Variants in TASOR observed in about 807,000 individuals in gnomAD.
The protein encoded by TASOR is protein TASOR.
TASOR carries 53 observed loss-of-function variants against 178.6 expected under a neutral mutation model. The ratio of observed to expected loss-of-function variants is 0.30; its 90% confidence interval spans 0.24 to 0.37. The LOEUF (loss-of-function observed/expected upper bound fraction) is 0.37. Ranked by LOEUF, TASOR falls within the 10% of genes least tolerant of loss-of-function variation. The pLI, the probability that TASOR is intolerant of heterozygous loss-of-function variation, is 1.00. For missense variants in TASOR, 1,815 were observed against 1,971.4 expected, an observed-to-expected ratio of 0.92 and a Z score of 1.50; for synonymous variants, 713 against 696.2, an observed-to-expected ratio of 1.02 and a Z score of -0.38.
At chr3:56,677,345 G>C (rs749419292) in intron 1 of TASOR, among the ~76,000 whole-genome samples, 1 of 152,204 alleles carries the variant, frequency 6.6e-6, no homozygotes, top group Non-Finnish European at 1.5e-5. Flanking sequence ...TCAATACACT[G>C]TTCTCTAGAT....
At chr3:56,660,467 G>A (rs1332245277) in intron 11 of TASOR, among the ~76,000 whole-genome samples, 1 of 145,052 alleles carries the variant, frequency 6.9e-6, no homozygotes, top group Non-Finnish European at 1.5e-5. Flanking sequence ...CTCCATCCTG[G>A]TGAGACAGCA....
In TASOR at chr3:56,683,047, G is replaced by T; in HGVS notation, c.-41C>A. On this transcript the variant is annotated 5_prime_UTR_variant, in exon 1 of 24. Transcript: ENST00000683822. ...AGCTCTGGGAAGCTTCTGCCCACAAGGTCGACGGGTGTGGGGGGAAGGGGC... is the reference window on the plus strand; with the variant it reads ...AGCTCTGGGAAGCTTCTGCCCACAATGTCGACGGGTGTGGGGGGAAGGGGC... The T allele has an allele frequency of 6.8e-7, 1 of 1,472,272 alleles. No individual in the cohort carries two copies. 91.2% of individuals were successfully genotyped at this position (1,472,272 alleles called of 1,614,324 possible). A position where few individuals can be genotyped will look rare whatever the true frequency, so the allele number is the denominator to read the frequency against.
rs575022081 is a variant in TASOR at position 56,656,235 on chromosome 3, T to C, written c.1368+4496A>G. ...CACATTGATCTGCATTAAATCAATATGTAAGTATCAATTACATTTCTATAT... is the reference window on the plus strand; with the variant it reads ...CACATTGATCTGCATTAAATCAATACGTAAGTATCAATTACATTTCTATAT... On this transcript the variant is annotated intron_variant, in intron 11 of 23. Coordinates refer to ENST00000683822, the MANE Select transcript of TASOR (RefSeq NM_001365635.2). 8.5e-5 allele frequency among the ~76,000 whole-genome samples: 13 copies of C among 152,346 alleles called. No homozygotes were observed. The South Asian group carries it at 2.7e-3, about 32-fold the overall frequency.
intron 1 of TASOR, among the ~76,000 whole-genome samples, chr3:56,678,663 T>C (rs755436514): frequency 2.0e-4 from 31 of 152,292 alleles, no homozygotes; most frequent in Admixed American, 3.3e-4. Context: ...AATATTATCA[T>C]ATATACATAA....
rs1057424228 is a variant in TASOR, at chr3:56,627,055, T to A, written c.4121A>T (p.Lys1374Ile). 1.9e-6 allele frequency: 3 copies of A among 1,609,134 alleles called. No individual in the cohort carries two copies. The African/African-American group carries it at 4.0e-5, about 22-fold the overall frequency. The change falls in exon 21 of 24, where the codon AAA (lysine) becomes ATA (isoleucine). Residue 1374 changes from lysine (K) to isoleucine (I), a missense_variant. Lys to Ile is a moderately radical substitution (Grantham distance 102). This residue lies in a region of TASOR where 134 missense variants were observed against 195.2 expected (regional missense o/e 0.69). Transcript: ENST00000683822. ...AGCTTACCTGCCTAGTTCCTTTAGTTTCTTCTGAAATTTACAGTGGACTTT... is the reference window on the plus strand; with the variant it reads ...AGCTTACCTGCCTAGTTCCTTTAGTATCTTCTGAAATTTACAGTGGACTTT... ...QWKVHCKFQK[K>I]LKELGRLNAK...
Position 56,663,578 on chromosome 3 carries a change from A to C in TASOR, c.1023-6T>G. The stretch of plus-strand genomic sequence containing the variant: ...CTGTATTAAAGCTGTTAGATCTACA[A>C]ATTTTTTAAAAGAAAAGAAAAACAT... On this transcript the variant is annotated splice_region_variant and splice_polypyrimidine_tract_variant and intron_variant, in intron 7 of 23. Coordinates refer to ENST00000683822, the MANE Select transcript of TASOR (RefSeq NM_001365635.2). 2.4e-6 allele frequency: 3 copies of C among 1,269,826 alleles called. No homozygotes were observed. The highest frequency in any genetic ancestry group is 3.1e-6 in the Non-Finnish European group (3 of 965,274). 78.7% of individuals were successfully genotyped at this position (1,269,826 alleles called of 1,614,324 possible).
At chr3:56,635,332 T>C (rs1278315227) in intron 17 of TASOR, among the ~76,000 whole-genome samples, 1 of 152,168 alleles carries the variant, frequency 6.6e-6, no homozygotes, top group African/African-American at 2.4e-5. Context: ...TGTATGAAAT[T>C]GATAAACCAG....
chr3:56,632,939 A>T, intron 18 of TASOR, 105 bp downstream of exon 18: 1 of 964,792 alleles, frequency 1.0e-6, no homozygotes, highest in East Asian at 2.7e-5. Context: ...TCCTGGCCTA[A>T]CATTTAAACA....
chr3:56,648,919 AG>A lies in TASOR; in HGVS notation c.1442-27del, dbSNP rs1338887384. On this transcript the variant is annotated intron_variant, in intron 12 of 23. Transcript: ENST00000683822. ...CTAAAAAACAGAAGCCAAACTCATTAGCAATGTGTTTTAACTAAAAAGTTAA... is the reference window on the plus strand; with the variant it reads ...CTAAAAAACAGAAGCCAAACTCATTACAATGTGTTTTAACTAAAAAGTTAA... 1.9e-6 allele frequency: 3 copies of A among 1,601,286 alleles called. No homozygotes were observed. In the African/African-American group the frequency reaches 4.0e-5, roughly 22 times the overall value.
intron 7 of TASOR, among the ~76,000 whole-genome samples, chr3:56,664,496 A>G (rs557440073): frequency 1.3e-5 from 2 of 152,350 alleles, no homozygotes; most frequent in South Asian, 4.1e-4. Flanking sequence ...ACCTGTGGCT[A>G]TAGATGGTTT....
intron 7 of TASOR, among the ~76,000 whole-genome samples, chr3:56,664,710 T>C (rs1040302677): frequency 1.3e-5 from 2 of 152,226 alleles, no homozygotes; most frequent in African/African-American, 4.8e-5. Flanking sequence ...TGAGCAGACA[T>C]TTGACCATCT....
intron 11 of TASOR, among the ~76,000 whole-genome samples, chr3:56,657,326 CG>C (rs1340802590): frequency 1.7e-3 from 216 of 130,282 alleles, no homozygotes; most frequent in Non-Finnish European, 2.6e-3. Flanking sequence ...GGCTCTGTCT[CG>C]AAAAAAAAAA....
rs538583061 is a variant in TASOR, at chr3:56,673,867, G to A, written c.332-142C>T. The A allele has an allele frequency of 1.7e-5, 12 of 697,826 alleles. No homozygotes were observed. In the South Asian group the frequency reaches 2.3e-4, roughly 14 times the overall value. The allele number at this position is 697,826 out of a possible 1,614,324, so 43.2% of individuals were successfully genotyped here. A position where few individuals can be genotyped will look rare whatever the true frequency, so the allele number is the denominator to read the frequency against. ...ATCTTACTTTGTGATACGCAAAAGA[G>A]ATACTTATTAACTCATTGAAAAAAA... On this transcript the variant is annotated intron_variant, in intron 1 of 23. Transcript: ENST00000683822.
At chr3:56,644,637 G>C (rs2077197647) in intron 14 of TASOR, among the ~76,000 whole-genome samples, 1 of 152,126 alleles carries the variant, frequency 6.6e-6, no homozygotes, top group Non-Finnish European at 1.5e-5. Context: ...GATGAGATTG[G>C]TAGCAAATTA....
chr3:56,635,953 A>G (rs1030141284), intron 17 of TASOR, among the ~76,000 whole-genome samples: 11 of 152,246 alleles, frequency 7.2e-5, no homozygotes, highest in African/African-American at 2.7e-4. Context: ...CCTTTATAAA[A>G]TATAAATAAT....
rs551423986 is a variant in TASOR at position 56,653,918 on chromosome 3, T to A, written c.1369-4861A>T. Among the ~76,000 whole-genome samples the A allele has an allele frequency of 2.0e-5, 3 of 152,202 alleles. No homozygotes were observed. The East Asian group carries it at 5.8e-4, about 29-fold the overall frequency. On this transcript the variant is annotated intron_variant, in intron 11 of 23. Transcript: ENST00000683822. ...AACTAAAGCACTACTTACAACTGAG[T>A]ATTTATTGACTATTTTTCTGACTTA... is the stretch of plus-strand genomic sequence containing the variant.
In TASOR at chr3:56,649,008, G is replaced by A. The variant is rs1421794327; in HGVS notation, c.1418C>T (p.Pro473Leu). 4.4e-6 allele frequency: 7 copies of A among 1,608,706 alleles called. No homozygotes were observed. The highest frequency in any genetic ancestry group is 5.9e-6 in the Non-Finnish European group (7 of 1,178,530). The stretch of plus-strand genomic sequence containing the variant: ...ACCATATGGAGGAACCATCTGATAA[G>A]GGGAGAGAAGAAAAAGGTATCCTCG... ...GDRGYLFLLS[P>L]YQMVPPYEYQ... Residue 473 changes from proline to leucine, a missense_variant, in exon 12 of 24, where the codon CCT (proline) becomes CTT (leucine). By Grantham distance (98) the Pro-to-Leu change is moderately conservative. This residue lies in a region of TASOR where 504 missense variants were observed against 645.3 expected (regional missense o/e 0.78). Coordinates refer to ENST00000683822, the MANE Select transcript of TASOR (RefSeq NM_001365635.2).
chr3:56,639,980 T>C lies in TASOR; in HGVS notation c.2764+6A>G, dbSNP rs368252651. 238 of 1,601,126 alleles carry C rather than the reference T, an allele frequency of 1.5e-4. No individual in the cohort carries two copies. Among genetic ancestry groups the C allele is most frequent in the Non-Finnish European group, 2.0e-4 (232 of 1,175,194 alleles). On this transcript the variant is annotated splice_donor_region_variant and intron_variant, in intron 16 of 23. Coordinates refer to ENST00000683822, the MANE Select transcript of TASOR (RefSeq NM_001365635.2). ...GCAAACACAAGTCCAAGTATACTTTTCTTACCTGTAATTGGAATCAGTTTC... is the reference window on the plus strand; with the variant it reads ...GCAAACACAAGTCCAAGTATACTTTCCTTACCTGTAATTGGAATCAGTTTC...
At chr3:56,670,728 G>A (rs1172524274) in intron 3 of TASOR, among the ~76,000 whole-genome samples, 1 of 151,806 alleles carries the variant, frequency 6.6e-6, no homozygotes, top group Non-Finnish European at 1.5e-5. Context: ...TTGAGGTCAG[G>A]AGTTCAAGAC....
Sources: gnomAD v4.1 joint callset for allele counts (sites outside exome capture counted in the v4.1 genomes callset) on GRCh38, gnomAD v4.1.1 for gene constraint, gnomAD v4.1.1 regional missense constraint, MANE v1.5 for transcripts, NCBI Gene and HGNC (gene_info 2026-07-23, HGNC 2026-07-21) for gene names.